The following PCNX2 variants were observed in gnomAD, a reference collection of about 807,000 sequenced individuals.
The protein encoded by PCNX2 is pecanex-like protein 2.
In PCNX2, 168 loss-of-function variants were observed where a neutral mutation model predicts 223.8. That is an observed-to-expected ratio of 0.75 (90% CI 0.66 to 0.85). The LOEUF is 0.85. Ranked by LOEUF, PCNX2 falls within the 40% of genes least tolerant of loss-of-function variation. The probability of loss-of-function intolerance (pLI) is 0.00; values close to 1 mark genes in which losing one functional copy is unlikely to be tolerated. For missense variants in PCNX2, 2,507 were observed against 2,675.5 expected (o/e 0.94, Z 1.39); for synonymous variants, 1,006 against 1,052.6 (o/e 0.96, Z 0.86).
chr1:233,267,690 T>C (rs1392838459), intron 1 of PCNX2, among the ~76,000 whole-genome samples: 1 of 152,206 alleles, frequency 6.6e-6, no homozygotes, highest in East Asian at 1.9e-4. Context: ...GTAGCCTGTG[T>C]CAGAATTTCC....
chr1:233,261,987 G>A (rs1660075931), intron 3 of PCNX2, 58 bp downstream of exon 3: 1 of 1,601,966 alleles, frequency 6.2e-7, no homozygotes, highest in Non-Finnish European at 8.5e-7. Context: ...TCCCATTCTA[G>A]GTGAGATCAA....
intron 4 of PCNX2, among the ~76,000 whole-genome samples, chr1:233,260,704 G>C (rs1659998235): frequency 1.3e-5 from 2 of 151,882 alleles, no homozygotes; most frequent in Non-Finnish European, 2.9e-5. Flanking sequence ...CACAAAATTT[G>C]TCTTTGTAGT....
At chr1:233,118,573 G>C (rs1051777792) in intron 21 of PCNX2, among the ~76,000 whole-genome samples, 6 of 148,376 alleles carry the variant, frequency 4.0e-5, no homozygotes, top group African/African-American at 1.5e-4. Context: ...CTATATGCTA[G>C]CAATAAAACC....
chr1:233,286,931 T>C (rs1307204654), intron 1 of PCNX2, among the ~76,000 whole-genome samples: 1 of 152,242 alleles, frequency 6.6e-6, no homozygotes, highest in Non-Finnish European at 1.5e-5. Flanking sequence ...GCTTTGATTA[T>C]GCCAAGGAAC....
At chr1:233,187,716 C>CT (rs1457160731) in intron 15 of PCNX2, among the ~76,000 whole-genome samples, 1 of 152,110 alleles carries the variant, frequency 6.6e-6, no homozygotes, top group African/African-American at 2.4e-5. Flanking sequence ...GTCAATTCTA[C>CT]TTTTTTGCTG....
intron 15 of PCNX2, among the ~76,000 whole-genome samples, chr1:233,194,731 G>T (rs997084528): frequency 6.6e-6 from 1 of 151,954 alleles, no homozygotes; most frequent in African/African-American, 2.4e-5. Flanking sequence ...GAAAAGAAAA[G>T]TTAGGCTGGG....
rs201179574 is a variant in PCNX2, at chr1:233,019,088, GT to G, written c.4606-1935del. 2.0e-4 allele frequency: 197 copies of G among 982,320 alleles called. 1 individual carries two copies. Among genetic ancestry groups the G allele is most frequent in the Non-Finnish European group, 1.4e-4 (114 of 827,874 alleles). 60.9% of individuals were successfully genotyped at this position (982,320 alleles called of 1,614,324 possible). A position where few individuals can be genotyped will look rare whatever the true frequency, so the allele number is the denominator to read the frequency against. On this transcript the variant is annotated intron_variant, in intron 26 of 33. Transcript: ENST00000258229. ...TTTACTTGGGTATCTGGTTTCAAGG[GT>G]TTTTTTTTAGGACTTTAGCAGGTGA...
At chr1:233,021,008 T>C (rs1670870081) in intron 26 of PCNX2, among the ~76,000 whole-genome samples, 1 of 152,184 alleles carries the variant, frequency 6.6e-6, no homozygotes, top group Non-Finnish European at 1.5e-5. Context: ...GGCAACTTTG[T>C]TCACCTAGCA....
chr1:233,305,390 G>A, the PCNX2 span, among the ~76,000 whole-genome samples: 2 of 152,102 alleles, frequency 1.3e-5, no homozygotes, highest in Non-Finnish European at 2.9e-5. Context: ...ATTGTTTTAA[G>A]ATGCTAATTG....
chr1:233,301,962 T>G, the PCNX2 span, among the ~76,000 whole-genome samples: 1 of 139,744 alleles, frequency 7.2e-6, no homozygotes, highest in Non-Finnish European at 1.6e-5. Flanking sequence ...CGGCTAATTT[T>G]TATATATTTT....
At chr1:233,062,176 G>A (rs1055713930) in intron 23 of PCNX2, among the ~76,000 whole-genome samples, 26 of 152,154 alleles carry the variant, frequency 1.7e-4, no homozygotes, top group African/African-American at 5.6e-4. Flanking sequence ...TAAGAACTAT[G>A]AAAGTGAGCT....
chr1:233,297,785 A>C (rs1412116258), upstream of PCNX2, among the ~76,000 whole-genome samples: 1 of 152,186 alleles, frequency 6.6e-6, no homozygotes, highest in African/African-American at 2.4e-5. Flanking sequence ...TGGAAGGCTG[A>C]AGCATGCATG....
At position 233,014,758 on chromosome 1, in the gene PCNX2, C is replaced by A; in HGVS notation, c.4859G>T (p.Ser1620Ile). The change falls in exon 28 of 34, where the codon AGT (serine) becomes ATT (isoleucine). Residue 1620 changes from serine (S) to isoleucine (I), a missense_variant. Coordinates refer to ENST00000258229, the MANE Select transcript of PCNX2 (RefSeq NM_014801.4). ...AGTCACCAAGGGAGAGTCCTCGTCA[C>A]TGTCCAGGGTCGTTGAAGGCTGAAA... is the stretch of plus-strand genomic sequence containing the variant. ...KRQEPSTTLD[S>I]DEDSPLVTLS... is the part of the protein sequence containing the mutation. 3.1e-6 allele frequency: 5 copies of A among 1,613,968 alleles called. No individual in the cohort carries two copies. The highest frequency in any genetic ancestry group is 4.2e-6 in the Non-Finnish European group (5 of 1,179,888).
intron 9 of PCNX2, 79 bp downstream of exon 9, chr1:233,236,766 A>C (rs987245164): frequency 4.2e-5 from 66 of 1,561,802 alleles, no homozygotes; most frequent in Non-Finnish European, 5.5e-5. Flanking sequence ...AATCCTGTCA[A>C]GTAATCCAAC....
intron 22 of PCNX2, among the ~76,000 whole-genome samples, chr1:233,093,035 A>G (rs12025385): frequency 0.3 from 46,330 of 151,992 alleles, 7,248 homozygotes; most frequent in South Asian, 0.36. Context: ...TCCTGACCTC[A>G]TGATCTGCCC....
chr1:233,276,374 TA>T, intron 1 of PCNX2, among the ~76,000 whole-genome samples: 1 of 152,274 alleles, frequency 6.6e-6, no homozygotes, highest in East Asian at 1.9e-4. Flanking sequence ...TTTGGGAAGA[TA>T]AAAATGTTCT....
At chr1:233,235,957 A>AAAATATATATGTATATATATATATATAT (rs369886650) in intron 9 of PCNX2, among the ~76,000 whole-genome samples, 3 of 93,114 alleles carry the variant, frequency 3.2e-5, no homozygotes, top group African/African-American at 1.2e-4. Flanking sequence ...CATAAAAAAA[A>AAAATATATATGTATATATATATATATAT]ATATATATAT....
Position 232,991,246 on chromosome 1 carries a change from T to A in PCNX2, c.5792-4706A>T, listed in dbSNP as rs973889546. ...AGGCTGTGTGAGTAAGCGAAGGAGC[T>A]GCAAGCCTGGGAGAGGGACACTGGG... is the stretch of plus-strand genomic sequence containing the variant. On this transcript the variant is annotated intron_variant, in intron 32 of 33. Coordinates refer to ENST00000258229, the MANE Select transcript of PCNX2 (RefSeq NM_014801.4). This position sits in a 1 kb window ranked among gnomAD's most constrained non-coding sequence, Gnocchi z 4.3. 6.6e-6 allele frequency among the ~76,000 whole-genome samples: 1 copy of A among 151,864 alleles called. No individual in the cohort carries two copies. The highest frequency in any genetic ancestry group is 1.5e-5 in the Non-Finnish European group (1 of 67,954).
intron 23 of PCNX2, among the ~76,000 whole-genome samples, chr1:233,075,453 T>C (rs1673047706): frequency 6.6e-6 from 1 of 152,142 alleles, no homozygotes; most frequent in Non-Finnish European, 1.5e-5. Flanking sequence ...ATGTGTGCTC[T>C]CCAACAGGAG....
Sources: gnomAD v4.1 joint callset for allele counts (sites outside exome capture counted in the v4.1 genomes callset) on GRCh38, gnomAD v4.1.1 for gene constraint, Gnocchi (gnomAD v3.1) non-coding constraint, MANE v1.5 for transcripts, NCBI Gene and HGNC (gene_info 2026-07-23, HGNC 2026-07-21) for gene names.